The following PUS10 variants were observed in gnomAD, a reference collection of about 807,000 sequenced individuals.
The protein encoded by PUS10 is tRNA pseudouridine synthase Pus10.
Under a neutral mutation model 75.0 loss-of-function variants are expected in PUS10, and 59 were observed. The observed-to-expected ratio is 0.79, with a 90% CI of 0.64 to 0.98. The LOEUF is 0.98. Ranked by LOEUF, PUS10 falls within the 50% of genes least tolerant of loss-of-function variation. The pLI is 0.00. For missense variants in PUS10, 650 were observed against 614.4 expected (o/e 1.06, Z -0.61); for synonymous variants, 219 against 211.6 (o/e 1.03, Z -0.30).
At chr2:61,010,094 T>G (rs1344657659) in intron 2 of PUS10, 1 of 152,336 alleles carries the variant, frequency 6.6e-6, no homozygotes, top group African/African-American at 2.4e-5. Flanking sequence ...TATATTGCCT[T>G]ACATAAAATG....
At chr2:61,007,011 T>G (rs769419314) in intron 3 of PUS10, among the ~76,000 whole-genome samples, 59 of 152,220 alleles carry the variant, frequency 3.9e-4, no homozygotes, top group Non-Finnish European at 5.1e-4. Context: ...TCTACAAGGC[T>G]GTACCACTAG....
chr2:60,985,982 C>T (rs895274582), intron 4 of PUS10, among the ~76,000 whole-genome samples: 2 of 144,294 alleles, frequency 1.4e-5, no homozygotes, highest in African/African-American at 5.1e-5. Context: ...ACTTTTGCAT[C>T]AGGGAAATCA....
At chr2:60,971,603 T>C (rs1304816521) in intron 4 of PUS10, 46 bp from the exon 5 acceptor site, 2 of 1,575,344 alleles carry the variant, frequency 1.3e-6, no homozygotes, top group South Asian at 2.2e-5. Flanking sequence ...GGGGGAAACA[T>C]GTTCAGTGAA....
chr2:60,988,168 T>C (rs569585472), intron 4 of PUS10, among the ~76,000 whole-genome samples: 61 of 152,218 alleles, frequency 4.0e-4, no homozygotes, highest in African/African-American at 1.4e-3. Context: ...ATGTCAAAAA[T>C]GATTATTAAA....
chr2:61,011,281 T>C (rs1327612935), intron 2 of PUS10, among the ~76,000 whole-genome samples: 1 of 152,228 alleles, frequency 6.6e-6, no homozygotes, highest in Non-Finnish European at 1.5e-5. Flanking sequence ...ATATTACTTT[T>C]GTCATTAATA....
intron 4 of PUS10, among the ~76,000 whole-genome samples, chr2:61,000,762 G>A (rs994722343): frequency 2.6e-5 from 4 of 151,980 alleles, no homozygotes; most frequent in Admixed American, 2.6e-4. Flanking sequence ...CATTTTCCTA[G>A]TGTTCCATTA....
intron 15 of PUS10, among the ~76,000 whole-genome samples, chr2:60,952,249 G>A (rs1341221640): frequency 1.3e-5 from 2 of 150,832 alleles, no homozygotes; most frequent in African/African-American, 2.4e-5. Flanking sequence ...CAGGAGAATC[G>A]CTTGAACCCA....
chr2:61,008,755 AT>A lies in PUS10; in HGVS notation c.381+5del. ...TTGCACCTATAATGAAAAACAGGTTATTTACCTTTTTAATGAAATCTTTCTC... is the reference window on the plus strand; with the variant it reads ...TTGCACCTATAATGAAAAACAGGTTATTACCTTTTTAATGAAATCTTTCTC... On this transcript the variant is annotated splice_donor_5th_base_variant and intron_variant, in intron 3 of 17. Transcript: ENST00000316752. 1 of 1,556,574 alleles carries A rather than the reference AT, an allele frequency of 6.4e-7. No homozygotes were observed. The highest frequency in any genetic ancestry group is 8.7e-7 in the Non-Finnish European group (1 of 1,144,546).
intron 1 of PUS10, among the ~76,000 whole-genome samples, chr2:61,013,778 A>C (rs1390716168): frequency 1.3e-5 from 2 of 152,186 alleles, no homozygotes; most frequent in Non-Finnish European, 2.9e-5. Flanking sequence ...TAATCCCAGC[A>C]CTTTGGGAGG....
At chr2:60,962,972 G>C (rs1367949116) in intron 8 of PUS10, 82 bp from the exon 9 acceptor site, 1 of 1,453,342 alleles carries the variant, frequency 6.9e-7, no homozygotes, top group African/African-American at 1.5e-5. Flanking sequence ...AACATGGCTG[G>C]AGAAATTGTA....
At chr2:60,952,721 A>G (rs1208213677) in intron 15 of PUS10, among the ~76,000 whole-genome samples, 1 of 152,250 alleles carries the variant, frequency 6.6e-6, no homozygotes, top group African/African-American at 2.4e-5. Flanking sequence ...TAACTTGTCC[A>G]AAGTCACACA....
chr2:60,971,965 G>C (rs1174683495), intron 4 of PUS10, among the ~76,000 whole-genome samples: 1 of 146,388 alleles, frequency 6.8e-6, no homozygotes, highest in Non-Finnish European at 1.5e-5. Context: ...CTGCTTCCTA[G>C]GTTCAAGATA....
chr2:60,985,485 T>C (rs549223596), intron 4 of PUS10, among the ~76,000 whole-genome samples: 2 of 152,302 alleles, frequency 1.3e-5, no homozygotes, highest in East Asian at 3.8e-4. Flanking sequence ...GACTTTGTGC[T>C]AAAGATGAAA....
intron 1 of PUS10, chr2:61,017,637 C>T: frequency 1.4e-6 from 1 of 708,538 alleles, no homozygotes; most frequent in Non-Finnish European, 2.4e-6. Context: ...CTTGTCCTGA[C>T]TGCAAGGGTG....
At chr2:60,943,471 T>TAA (rs56288950) in intron 17 of PUS10, among the ~76,000 whole-genome samples, 4 of 143,718 alleles carry the variant, frequency 2.8e-5, no homozygotes, top group East Asian at 2.1e-4. Flanking sequence ...AAGAGAAAGT[T>TAA]AAAAAAAAAA....
intron 3 of PUS10, among the ~76,000 whole-genome samples, chr2:61,007,989 A>C (rs2104705826): frequency 6.6e-6 from 1 of 152,072 alleles, no homozygotes; most frequent in East Asian, 1.9e-4. Context: ...AGGTAGGAGA[A>C]TGGCATGAAC....
rs189434551 is a variant in PUS10, at chr2:60,956,703, C to T, written c.1001-1629G>A. On this transcript the variant is annotated intron_variant, in intron 11 of 17. Transcript: ENST00000316752. ...AAAATGTTTCAAACCAGGCTGGGTG[C>T]GGTGGCTCACGCCTGTAATCCCAGC... Among the ~76,000 whole-genome samples, 60 of 152,054 alleles carry T rather than the reference C, an allele frequency of 3.9e-4. No individual in the cohort carries two copies. The East Asian group carries it at 4.3e-3, about 11-fold the overall frequency.
intron 15 of PUS10, among the ~76,000 whole-genome samples, chr2:60,949,261 G>A (rs1245795807): frequency 6.6e-6 from 1 of 152,086 alleles, no homozygotes; most frequent in Non-Finnish European, 1.5e-5. Context: ...ATAAATAAAG[G>A]ATAAGGCTGA....
intron 4 of PUS10, among the ~76,000 whole-genome samples, chr2:60,995,912 C>A (rs990644488): frequency 1.3e-5 from 2 of 152,226 alleles, no homozygotes; most frequent in Non-Finnish European, 2.9e-5. Context: ...GCCACAGCAA[C>A]TTCTTTTCTT....
Sources: allele counts gnomAD v4.1 joint callset (sites outside exome capture counted in the v4.1 genomes callset), GRCh38; gene constraint gnomAD v4.1.1; transcripts MANE v1.5; gene names NCBI Gene and HGNC (gene_info 2026-07-23, HGNC 2026-07-21).